The following HSP90AA1 variants were observed in gnomAD, a reference collection of about 807,000 sequenced individuals.
The protein encoded by HSP90AA1 is heat shock protein 90 alpha family class A member 1, also known as heat shock protein HSP 90-alpha.
In HSP90AA1, 18 loss-of-function variants were observed where a neutral mutation model predicts 73.3. The ratio of observed to expected loss-of-function variants is 0.25; its 90% CI spans 0.17 to 0.36. The LOEUF is 0.36. Ranked by LOEUF, HSP90AA1 falls within the 10% of genes least tolerant of loss-of-function variation. HSP90AA1 has a pLI of 1.00. For missense variants in HSP90AA1, 704 were observed against 874.2 expected, an observed-to-expected ratio of 0.81 and a Z score of 2.45; for synonymous variants, 477 against 296.9, an observed-to-expected ratio of 1.61 and a Z score of -6.24.
intron 1 of HSP90AA1, among the ~76,000 whole-genome samples, chr14:102,116,940 T>G (rs1269480480): frequency 6.6e-6 from 1 of 152,044 alleles, no homozygotes; most frequent in East Asian, 1.9e-4. Context: ...CTCTGTGCCC[T>G]CAGGGCACAG....
At chr14:102,082,504 G>C in intron 9 of HSP90AA1, 60 bp from the exon 10 acceptor site, 4 of 1,376,884 alleles carry the variant, frequency 2.9e-6, no homozygotes, top group South Asian at 1.2e-5. Flanking sequence ...CTTTCATTGT[G>C]AAATGAAATC....
At chr14:102,100,941 G>A (rs1037284323) in intron 2 of HSP90AA1, among the ~76,000 whole-genome samples, 2 of 152,152 alleles carry the variant, frequency 1.3e-5, no homozygotes, top group Admixed American at 1.3e-4. Flanking sequence ...GGGCTCTAAT[G>A]AAATTCCTGT....
chr14:102,081,024 T>TA lies in HSP90AA1; in HGVS notation c.*687dup, dbSNP rs2049085619. The TA allele has an allele frequency of 4.4e-6, 1 of 227,296 alleles. No individual in the cohort carries two copies. Among genetic ancestry groups the TA allele is most frequent in the South Asian group, 1.8e-4 (1 of 5,496 alleles). The allele number at this position is 227,296 out of a possible 1,614,324, so 14.1% of individuals were successfully genotyped here. A position where few individuals can be genotyped will look rare whatever the true frequency, so the allele number is the denominator to read the frequency against. ...TCATCCAGATACTCCCCTTTCCCCC[T>TA]AAATAAGACACTGTCACACAATATC... On this transcript the variant is annotated 3_prime_UTR_variant, in exon 11 of 11. Transcript: ENST00000216281.
chr14:102,083,011 C>A, intron 9 of HSP90AA1, 23 bp downstream of exon 9: 1 of 1,608,410 alleles, frequency 6.2e-7, no homozygotes, highest in Non-Finnish European at 8.5e-7. Flanking sequence ...TATCAATGAT[C>A]AGGAAATGCT....
intron 1 of HSP90AA1, among the ~76,000 whole-genome samples, chr14:102,122,940 T>A (rs1415268709): frequency 6.6e-6 from 1 of 151,960 alleles, no homozygotes; most frequent in African/African-American, 2.4e-5. Flanking sequence ...AGTGCTGGGA[T>A]TATAGGCATG....
chr14:102,086,501 G>A (rs1300421967), intron 1 of HSP90AA1, 123 bp from the exon 2 acceptor site: 8 of 1,067,082 alleles, frequency 7.5e-6, no homozygotes, highest in African/African-American at 3.1e-5. Flanking sequence ...TAAGTAAACC[G>A]AAAATAGAAG....
At chr14:102,083,731 T>TAA in intron 7 of HSP90AA1, 38 bp from the exon 8 acceptor site, 2 of 1,449,376 alleles carry the variant, frequency 1.4e-6, no homozygotes, top group Admixed American at 2.0e-5. Context: ...ACTTTCTGAA[T>TAA]TAAAAAAAAA....
intron 1 of HSP90AA1, among the ~76,000 whole-genome samples, chr14:102,122,983 C>T (rs1019376668): frequency 2.0e-5 from 3 of 152,056 alleles, no homozygotes; most frequent in African/African-American, 7.2e-5. Flanking sequence ...TCTTCTTTTT[C>T]ATAGTGATTC....
At position 102,085,333 on chromosome 14, in the gene HSP90AA1, G is replaced by A. The variant is rs1205325560; in HGVS notation, c.628C>T (p.His210Tyr). The A allele has an allele frequency of 1.2e-6, 2 of 1,612,072 alleles. No individual in the cohort carries two copies. Among genetic ancestry groups the A allele is most frequent in the Non-Finnish European group, 1.7e-6 (2 of 1,178,292 alleles). The change falls in exon 4 of 11, where the codon CAT (histidine) becomes TAT (tyrosine). Residue 210 changes from histidine (H) to tyrosine (Y), a missense_variant. Physicochemically the swap from His to Tyr is moderately conservative, Grantham distance 83 (BLOSUM62 2). Coordinates refer to ENST00000216281, the MANE Select transcript of HSP90AA1 (RefSeq NM_005348.4). ...ATGGGATATCCAATAAACTGAGAATGTTTCTTCACAATCTCCTTTATTCTT... is the reference window on the plus strand; with the variant it reads ...ATGGGATATCCAATAAACTGAGAATATTTCTTCACAATCTCCTTTATTCTT... ...ERRIKEIVKK[H>Y]SQFIGYPITL...
At position 102,081,804 on chromosome 14, in the gene HSP90AA1, G is replaced by A. The variant is rs759410572; in HGVS notation, c.2107C>T (p.Pro703Ser). The change falls in exon 11 of 11, where the codon CCT becomes TCT. Residue 703 changes from proline to serine, a missense_variant. Pro to Ser is a moderately conservative substitution (Grantham distance 74, BLOSUM62 -1). Coordinates refer to ENST00000216281, the MANE Select transcript of HSP90AA1 (RefSeq NM_005348.4). ...KLGLGIDEDD[P>S]TADDTSAAVT... ...GCAGCACTGGTATCATCAGCAGTAG[G>A]GTCATCTTCATCAATACCTGTTTCC... The A allele has an allele frequency of 6.5e-7, 1 of 1,543,604 alleles. No homozygotes were observed. Among genetic ancestry groups the A allele is most frequent in the Admixed American group, 1.7e-5 (1 of 59,898 alleles).
intron 1 of HSP90AA1, among the ~76,000 whole-genome samples, chr14:102,110,412 T>C: frequency 7.0e-6 from 1 of 142,466 alleles, no homozygotes; most frequent in Non-Finnish European, 1.5e-5. Context: ...TTTTGTTTGT[T>C]TGTTTGTTTG....
chr14:102,087,240 C>G, upstream of HSP90AA1: 1 of 853,702 alleles, frequency 1.2e-6, no homozygotes, highest in Non-Finnish European at 1.4e-6. Flanking sequence ...GCTCGTGGCC[C>G]GGCCCGGGCA....
intron 1 of HSP90AA1, among the ~76,000 whole-genome samples, chr14:102,134,169 C>T (rs186359830): frequency 1.1e-4 from 16 of 149,886 alleles, no homozygotes; most frequent in Admixed American, 4.6e-4. Flanking sequence ...AAAACCCCGT[C>T]TCTATAAAAA....
rs2049100532 is a variant in HSP90AA1, at chr14:102,081,607, TAC to T, written c.*103_*104del. The T allele has an allele frequency of 5.4e-6, 4 of 736,336 alleles. No homozygotes were observed. The highest frequency in any genetic ancestry group is 3.8e-5 in the Admixed American group (2 of 51,974). The allele number at this position is 736,336 out of a possible 1,614,324, so 45.6% of individuals were successfully genotyped here. A position where few individuals can be genotyped will look rare whatever the true frequency, so the allele number is the denominator to read the frequency against. ...TCCCCTTAAAGTAGTTGTCATGCCA[TAC>T]AGACTTTTTAATATTAACAAAAATA... On this transcript the variant is annotated 3_prime_UTR_variant, in exon 11 of 11. Coordinates refer to ENST00000216281, the MANE Select transcript of HSP90AA1 (RefSeq NM_005348.4).
intron 1 of HSP90AA1, 42 bp from the exon 2 acceptor site, chr14:102,086,420 T>C: frequency 1.2e-6 from 2 of 1,609,760 alleles, no homozygotes; most frequent in Non-Finnish European, 1.7e-6. Context: ...GCAGGACGTC[T>C]ACAGAGGCAA....
At chr14:102,125,718 A>G (rs769047876) in intron 1 of HSP90AA1, among the ~76,000 whole-genome samples, 1 of 152,232 alleles carries the variant, frequency 6.6e-6, no homozygotes, top group South Asian at 2.1e-4. Context: ...GTGAACTGCA[A>G]TCGTGTGTAG....
upstream of HSP90AA1, among the ~76,000 whole-genome samples, chr14:102,087,751 C>T (rs995021061): frequency 6.6e-6 from 1 of 152,204 alleles, no homozygotes; most frequent in Admixed American, 6.5e-5. Flanking sequence ...TTTGGGTTCC[C>T]CGAAAGCCAT....
upstream of HSP90AA1, among the ~76,000 whole-genome samples, chr14:102,089,608 C>G (rs1201774615): frequency 1.3e-5 from 2 of 152,126 alleles, no homozygotes; most frequent in African/African-American, 4.8e-5. Flanking sequence ...GTCCAGCACT[C>G]TCACTAATAG....
intron 1 of HSP90AA1, among the ~76,000 whole-genome samples, chr14:102,114,047 C>T (rs2049677278): frequency 6.6e-6 from 1 of 151,936 alleles, no homozygotes; most frequent in Admixed American, 6.6e-5. Flanking sequence ...GTTACAGAGT[C>T]TCACTCTGTC....
Sources: gnomAD v4.1 joint callset for allele counts (sites outside exome capture counted in the v4.1 genomes callset) on GRCh38, gnomAD v4.1.1 for gene constraint, MANE v1.5 for transcripts, NCBI Gene and HGNC (gene_info 2026-07-23, HGNC 2026-07-21) for gene names.